Variants in WNT3 observed in about 807,000 individuals in gnomAD.
The protein encoded by WNT3 is proto-oncogene Wnt-3.
Under a neutral mutation model 34.2 loss-of-function variants are expected in WNT3, and 7 were observed. That is an observed-to-expected ratio of 0.20 (90% CI 0.12 to 0.38). The LOEUF (loss-of-function observed/expected upper bound fraction) is 0.38. Among genes scored for constraint, WNT3 ranks in the 10% least tolerant of loss-of-function variants. The pLI is 1.00. For synonymous variants in WNT3, 212 were observed against 211.5 expected (o/e 1.00, Z -0.02); for missense variants, 267 against 499.8 (o/e 0.53, Z 4.44).
intron 1 of WNT3, among the ~76,000 whole-genome samples, chr17:46,779,955 C>T (rs974119657): frequency 1.4e-4 from 21 of 152,140 alleles, no homozygotes; most frequent in African/African-American, 4.1e-4. Flanking sequence ...GACAGGGTTT[C>T]GCAATATTGG....
intron 1 of WNT3, among the ~76,000 whole-genome samples, chr17:46,795,086 T>C (rs1177836915): frequency 6.6e-6 from 1 of 152,036 alleles, no homozygotes; most frequent in Non-Finnish European, 1.5e-5. Context: ...TGGTGGGAAT[T>C]CTTACCTGCT....
chr17:46,771,209 C>T (rs913134835), intron 2 of WNT3, among the ~76,000 whole-genome samples: 1 of 152,214 alleles, frequency 6.6e-6, no homozygotes, highest in Non-Finnish European at 1.5e-5. Flanking sequence ...GAGTGCAGAG[C>T]TGGTCCCGCC....
At position 46,779,102 on chromosome 17, in the gene WNT3, CA is replaced by C. The variant is rs1313206511; in HGVS notation, c.81-5194del. On this transcript the variant is annotated intron_variant, in intron 1 of 4. Transcript: ENST00000225512. ...ACACACACACACACACACACACACA[CA>C]CCCCAGCCCACTCGGCCTTCCAAAG... Among the ~76,000 whole-genome samples the C allele has an allele frequency of 1.7e-3, 241 of 138,806 alleles. 8 individuals are homozygous for C. The highest frequency in any genetic ancestry group is 6.8e-3 in the African/African-American group (212 of 31,348). 91.1% of individuals were successfully genotyped at this position (138,806 alleles called of 152,430 possible).
intron 2 of WNT3, among the ~76,000 whole-genome samples, chr17:46,771,773 G>A (rs1314839428): frequency 1.4e-5 from 2 of 141,648 alleles, no homozygotes; most frequent in Non-Finnish European, 3.1e-5. Context: ...GCGCCGCGCC[G>A]CGCCGCGCCG....
intron 1 of WNT3, among the ~76,000 whole-genome samples, chr17:46,776,223 G>C (rs1490944609): frequency 1.3e-5 from 2 of 152,170 alleles, no homozygotes; most frequent in African/African-American, 2.4e-5. Flanking sequence ...GGTGAAGGTG[G>C]CTTCAGGCCT....
At chr17:46,801,342 G>A (rs531791008) in intron 1 of WNT3, among the ~76,000 whole-genome samples, 4 of 152,298 alleles carry the variant, frequency 2.6e-5, no homozygotes, top group East Asian at 1.9e-4. Context: ...CAAAGTGGCC[G>A]GGCACGGTGG....
At position 46,811,170 on chromosome 17, in the gene WNT3, C is replaced by T. The variant is rs778488858; in HGVS notation, c.80+7348G>A. Among the ~76,000 whole-genome samples the T allele has an allele frequency of 2.1e-4, 30 of 144,700 alleles. 5 individuals carry two copies. The highest frequency in any genetic ancestry group is 3.3e-4 in the Non-Finnish European group (21 of 63,236). 94.9% of individuals were successfully genotyped at this position (144,700 alleles called of 152,430 possible). A position where few individuals can be genotyped will look rare whatever the true frequency, so the allele number is the denominator to read the frequency against. On this transcript the variant is annotated intron_variant, in intron 1 of 4. Transcript: ENST00000225512. Reference sequence around the variant, plus strand: ...TTCAGCAACTCTACCCCTGCCCGCCCTACACCTTTCCAGCCTTAAGAACTA... The same window carrying T: ...TTCAGCAACTCTACCCCTGCCCGCCTTACACCTTTCCAGCCTTAAGAACTA...
rs1392664687 is a variant in WNT3 at position 46,763,831 on chromosome 17, CAAAAAAAAAAAAAAACAA to C, written c.*781_*798del. 4.0e-5 allele frequency: 5 copies of C among 123,716 alleles called. No homozygotes were observed. The highest frequency in any genetic ancestry group is 8.0e-5 in the Non-Finnish European group (5 of 62,512). The allele number at this position is 123,716 out of a possible 1,614,324, so 7.7% of individuals were successfully genotyped here. On this transcript the variant is annotated 3_prime_UTR_variant, in exon 5 of 5. Transcript: ENST00000225512. ...GCCTATTTACAAGGTCCACTACCAC[CAAAAAAAAAAAAAAACAA>C]AAAAACAAAAAAAAAACTGCATTGA...
chr17:46,783,835 A>G (rs2059481346), intron 1 of WNT3, among the ~76,000 whole-genome samples: 1 of 152,200 alleles, frequency 6.6e-6, no homozygotes, highest in African/African-American at 2.4e-5. Flanking sequence ...GAAGCAGAGG[A>G]GGGGAAGCAG....
chr17:46,777,694 A>G (rs2059423319), intron 1 of WNT3, among the ~76,000 whole-genome samples: 1 of 152,184 alleles, frequency 6.6e-6, no homozygotes. Flanking sequence ...AATCCTCACA[A>G]CAACTCTGGG....
intron 1 of WNT3, among the ~76,000 whole-genome samples, chr17:46,802,923 G>A (rs2084144446): frequency 6.6e-6 from 1 of 152,178 alleles, no homozygotes. Context: ...TGGAACCCAA[G>A]GAGGAAGTCA....
chr17:46,783,647 G>A (rs2059480063), intron 1 of WNT3, among the ~76,000 whole-genome samples: 1 of 152,184 alleles, frequency 6.6e-6, no homozygotes, highest in Non-Finnish European at 1.5e-5. Context: ...CGGTCAGGGC[G>A]AGCGATCTCT....
intron 1 of WNT3, among the ~76,000 whole-genome samples, chr17:46,815,579 G>T (rs1598802886): frequency 6.6e-6 from 1 of 152,062 alleles, no homozygotes; most frequent in Admixed American, 6.5e-5. Context: ...GGGCAGAAAT[G>T]GGATCAGGAA....
rs758209963 is a variant in WNT3 at position 46,773,811 on chromosome 17, C to T, written c.179G>A (p.Arg60His). Residue 60 changes from arginine (R) to histidine (H), a missense_variant, in exon 2 of 5, where the codon CGC becomes CAC. Transcript: ENST00000225512. ...GCTGGGCATGATCTCGATGTAATTG[C>T]GGCAGAAGCGCAGTTGCTTGGGGAC... ...GLVPKQLRFC[R>H]NYIEIMPSVA... is the part of the protein sequence containing the mutation. The T allele has an allele frequency of 1.1e-5, 17 of 1,613,498 alleles. No individual in the cohort carries two copies. Among genetic ancestry groups the T allele is most frequent in the Non-Finnish European group, 1.4e-5 (16 of 1,180,010 alleles).
At chr17:46,776,917 C>G (rs990089816) in intron 1 of WNT3, among the ~76,000 whole-genome samples, 1 of 152,194 alleles carries the variant, frequency 6.6e-6, no homozygotes, top group East Asian at 1.9e-4. Context: ...TCCTTCCTCC[C>G]CCTCTCCCAG....
chr17:46,788,741 G>A (rs542936329), intron 1 of WNT3, among the ~76,000 whole-genome samples: 10 of 147,418 alleles, frequency 6.8e-5, no homozygotes, highest in East Asian at 2.0e-4. Flanking sequence ...GTGGCCCTGC[G>A]AGGACCTCCC....
At chr17:46,769,114 T>C (rs576200620) in intron 3 of WNT3, among the ~76,000 whole-genome samples, 10 of 152,040 alleles carry the variant, frequency 6.6e-5, no homozygotes, top group Non-Finnish European at 1.5e-4. Context: ...GTCAGGAGTT[T>C]GAGACCAGCC....
chr17:46,803,202 A>G (rs2084148816), intron 1 of WNT3, among the ~76,000 whole-genome samples: 1 of 152,220 alleles, frequency 6.6e-6, no homozygotes, highest in Non-Finnish European at 1.5e-5. Context: ...AAAGCAGAGG[A>G]AAGACAGTTT....
intron 1 of WNT3, among the ~76,000 whole-genome samples, chr17:46,814,660 C>CAGCT (rs1413928626): frequency 6.6e-6 from 1 of 152,236 alleles, no homozygotes; most frequent in Non-Finnish European, 1.5e-5. Context: ...AGCCCAGCCC[C>CAGCT]AGCGAGCTGT....
Sources: gnomAD v4.1 joint callset for allele counts (sites outside exome capture counted in the v4.1 genomes callset) on GRCh38, gnomAD v4.1.1 for gene constraint, MANE v1.5 for transcripts, NCBI Gene and HGNC (gene_info 2026-07-23, HGNC 2026-07-21) for gene names.